ZC3HAV1: variants seen among roughly 807,000 people sequenced by gnomAD.
ZC3HAV1 encodes zinc finger CCCH-type antiviral protein 1.
ZC3HAV1 carries 41 observed loss-of-function variants against 86.6 expected under a neutral mutation model. The observed-to-expected ratio is 0.47, with a 90% CI of 0.37 to 0.61. The LOEUF is 0.61. Ranked by LOEUF, ZC3HAV1 falls within the 20% of genes least tolerant of loss-of-function variation. The pLI is 0.00. For synonymous variants in ZC3HAV1, 421 were observed against 432.1 expected (o/e 0.97, Z 0.32); for missense variants, 964 against 1,141.1 (o/e 0.84, Z 2.24).
intron 1 of ZC3HAV1, among the ~76,000 whole-genome samples, chr7:139,097,570 G>A (rs956674078): frequency 4.1e-4 from 62 of 150,516 alleles, no homozygotes; most frequent in African/African-American, 1.5e-3. Context: ...GAGTAGCTGG[G>A]ATTACAGGTG....
At chr7:139,097,428 A>ATT (rs11291842) in intron 1 of ZC3HAV1, among the ~76,000 whole-genome samples, 599 of 48,130 alleles carry the variant, frequency 0.012, 59 homozygotes, top group African/African-American at 0.059. Flanking sequence ...ATATATATAT[A>ATT]TTTTTTTTTT....
At chr7:139,065,557 C>T (rs938244282) in intron 7 of ZC3HAV1, among the ~76,000 whole-genome samples, 2 of 152,306 alleles carry the variant, frequency 1.3e-5, no homozygotes, top group Middle Eastern at 3.4e-3. Context: ...GAGCCTCCTG[C>T]TAGCCAACTA....
chr7:139,082,679 T>C (rs1817159180), intron 3 of ZC3HAV1, among the ~76,000 whole-genome samples: 1 of 152,154 alleles, frequency 6.6e-6, no homozygotes, highest in South Asian at 2.1e-4. Flanking sequence ...TGCTATAACA[T>C]GGATGAACCC....
intron 9 of ZC3HAV1, among the ~76,000 whole-genome samples, chr7:139,057,570 C>T (rs1257038363): frequency 5.0e-5 from 1 of 20,176 alleles, no homozygotes; most frequent in Non-Finnish European, 8.8e-5. Context: ...ACGGAGTCTC[C>T]CTCTGTTGCC....
chr7:139,046,050 G>C lies in ZC3HAV1; in HGVS notation c.*1544C>G, dbSNP rs1246665053. The C allele has an allele frequency of 6.6e-6, 1 of 150,956 alleles. No individual in the cohort carries two copies. Among genetic ancestry groups the C allele is most frequent in the Non-Finnish European group, 1.5e-5 (1 of 67,872 alleles). 9.4% of individuals were successfully genotyped at this position (150,956 alleles called of 1,614,324 possible). On this transcript the variant is annotated 3_prime_UTR_variant, in exon 13 of 13. Transcript: ENST00000242351. ...CTGACTTATAACTTGTCTGCTAAAAGAAATTATAACAGGAAACTTTGGTGA... is the reference window on the plus strand; with the variant it reads ...CTGACTTATAACTTGTCTGCTAAAACAAATTATAACAGGAAACTTTGGTGA...
chr7:139,069,278 C>T (rs552909599), intron 7 of ZC3HAV1, among the ~76,000 whole-genome samples: 2 of 152,132 alleles, frequency 1.3e-5, no homozygotes, highest in South Asian at 2.1e-4. Context: ...ATCACACAGC[C>T]GTCAATTATT....
intron 9 of ZC3HAV1, chr7:139,060,236 A>G (rs1214510750): frequency 7.1e-6 from 7 of 985,184 alleles, no homozygotes; most frequent in African/African-American, 5.2e-5. Flanking sequence ...GAATTCTTAC[A>G]ACCAAAAGAA....
At chr7:139,092,739 G>A (rs1402573983) in intron 1 of ZC3HAV1, among the ~76,000 whole-genome samples, 2 of 152,202 alleles carry the variant, frequency 1.3e-5, no homozygotes, top group Non-Finnish European at 2.9e-5. Context: ...CACTGGCTGG[G>A]GTCCGTGGTG....
At chr7:139,101,253 C>T (rs1276192002) in intron 1 of ZC3HAV1, among the ~76,000 whole-genome samples, 2 of 151,588 alleles carry the variant, frequency 1.3e-5, no homozygotes, top group East Asian at 2.0e-4. Context: ...GCAGCCTCTG[C>T]CCTGCCGCCA....
chr7:139,102,726 TATAC>T (rs1366769732), intron 1 of ZC3HAV1, among the ~76,000 whole-genome samples: 15 of 125,016 alleles, frequency 1.2e-4, no homozygotes, highest in African/African-American at 5.2e-4. Context: ...ACACTGTCTC[TATAC>T]ACACACACAC....
chr7:139,084,032 T>A lies in ZC3HAV1; in HGVS notation c.445A>T (p.Ile149Leu). ...CCCTCTCCCTTATAACTTTTGCATA[T>A]CTACAGAAGGGAGAAACAACAGCCA... is the stretch of plus-strand genomic sequence containing the variant. The part of the protein sequence containing the change: ...LQSDPFFMPE[I>L]CKSYKGEGRQ... Residue 149 changes from isoleucine to leucine, a missense_variant and splice_region_variant, in exon 3 of 13, where the codon ATA becomes TTA. Transcript: ENST00000242351. 6.2e-7 allele frequency: 1 copy of A among 1,610,574 alleles called. No individual in the cohort carries two copies. The highest frequency in any genetic ancestry group is 8.5e-7 in the Non-Finnish European group (1 of 1,177,056).
intron 7 of ZC3HAV1, among the ~76,000 whole-genome samples, chr7:139,068,024 TTTATTATTATTA>T (rs142686573): frequency 0.073 from 10,421 of 141,944 alleles, 422 homozygotes; most frequent in East Asian, 0.14. Context: ...TCTTTCTTTC[TTTATTATTATTA>T]TTATTATTAT....
chr7:139,085,870 C>T (rs1051996592), intron 2 of ZC3HAV1, among the ~76,000 whole-genome samples: 4 of 151,930 alleles, frequency 2.6e-5, no homozygotes, highest in Non-Finnish European at 4.4e-5. Flanking sequence ...AAAAATTATC[C>T]GGGTGTGGTG....
intron 10 of ZC3HAV1, 143 bp downstream of exon 10, chr7:139,055,062 T>C: frequency 1.5e-6 from 1 of 687,978 alleles, no homozygotes; most frequent in South Asian, 2.0e-5. Context: ...AATGCTAGGA[T>C]TACAGGGCTG....
At chr7:139,083,649 C>T in intron 3 of ZC3HAV1, 131 bp downstream of exon 3, 3 of 1,257,178 alleles carry the variant, frequency 2.4e-6, no homozygotes, top group Non-Finnish European at 3.2e-6. Flanking sequence ...ATCACTTGAA[C>T]CTGGGAGGCA....
Position 139,051,090 on chromosome 7 carries a change from A to C in ZC3HAV1, c.2449+2361T>G, listed in dbSNP as rs1816108670. 2.1e-5 allele frequency among the ~76,000 whole-genome samples: 3 copies of C among 141,322 alleles called. No individual in the cohort carries two copies. The South Asian group carries it at 6.6e-4, about 31-fold the overall frequency. 92.7% of individuals were successfully genotyped at this position (141,322 alleles called of 152,430 possible). A position where few individuals can be genotyped will look rare whatever the true frequency, so the allele number is the denominator to read the frequency against. On this transcript the variant is annotated intron_variant, in intron 12 of 12. Transcript: ENST00000242351. ...TTCTTTTTTCTTTTTTTTTTTTTTGAGACGGAGTCTCGGCTGGTGTGCAAT... is the reference window on the plus strand; with the variant it reads ...TTCTTTTTTCTTTTTTTTTTTTTTGCGACGGAGTCTCGGCTGGTGTGCAAT...
intron 1 of ZC3HAV1, among the ~76,000 whole-genome samples, chr7:139,091,869 T>C (rs978239988): frequency 6.6e-6 from 1 of 152,148 alleles, no homozygotes; most frequent in African/African-American, 2.4e-5. Context: ...TATTTAGCTG[T>C]TGTACTTGAG....
intron 10 of ZC3HAV1, among the ~76,000 whole-genome samples, chr7:139,054,677 C>G (rs1254051291): frequency 6.6e-6 from 1 of 152,170 alleles, no homozygotes; most frequent in Non-Finnish European, 1.5e-5. Context: ...TGGCTGAACT[C>G]TGGAAACAAT....
intron 1 of ZC3HAV1, among the ~76,000 whole-genome samples, chr7:139,097,428 ATTTT>A (rs11291842): frequency 2.5e-4 from 12 of 48,152 alleles, no homozygotes; most frequent in East Asian, 9.0e-4. Flanking sequence ...ATATATATAT[ATTTT>A]TTTTTTTTTT....
Sources: allele counts gnomAD v4.1 joint callset (sites outside exome capture counted in the v4.1 genomes callset), GRCh38; gene constraint gnomAD v4.1.1; transcripts MANE v1.5; gene names NCBI Gene and HGNC (gene_info 2026-07-23, HGNC 2026-07-21).